The following MAGI3 variants were observed in gnomAD, a reference collection of about 807,000 sequenced individuals.
MAGI3 encodes membrane-associated guanylate kinase, WW and PDZ domain-containing protein 3.
In MAGI3, 43 loss-of-function variants were observed where a neutral mutation model predicts 121.8. The observed-to-expected ratio is 0.35, with a 90% CI of 0.28 to 0.46. The LOEUF (loss-of-function observed/expected upper bound fraction) is 0.46, where lower values mean the gene tolerates loss of function less well. MAGI3 is among the 20% of genes least tolerant of loss of function. The pLI, the probability that MAGI3 is intolerant of heterozygous loss-of-function variation, is 1.00. For missense variants in MAGI3, 1,547 were observed against 1,797.3 expected, an observed-to-expected ratio of 0.86 and a Z score of 2.52; for synonymous variants, 553 against 639.3, an observed-to-expected ratio of 0.86 and a Z score of 2.04.
intron 2 of MAGI3, among the ~76,000 whole-genome samples, chr1:113,566,108 A>G: frequency 6.6e-6 from 1 of 152,332 alleles, no homozygotes; most frequent in Non-Finnish European, 1.5e-5. Context: ...ACTTAGTAAC[A>G]TAAATCAACC....
chr1:113,432,544 T>A (rs1653355705), intron 1 of MAGI3, among the ~76,000 whole-genome samples: 1 of 152,156 alleles, frequency 6.6e-6, no homozygotes, highest in African/African-American at 2.4e-5. Context: ...TTGTTATTTT[T>A]TTTTTAAATA....
At chr1:113,487,952 C>A in intron 1 of MAGI3, among the ~76,000 whole-genome samples, 1 of 152,060 alleles carries the variant, frequency 6.6e-6, no homozygotes, top group Non-Finnish European at 1.5e-5. Flanking sequence ...ATAATTAATT[C>A]TTTGTAGGAA....
At chr1:113,600,157 G>C (rs892102744) in intron 6 of MAGI3, among the ~76,000 whole-genome samples, 12 of 152,072 alleles carry the variant, frequency 7.9e-5, no homozygotes, top group African/African-American at 2.7e-4. Flanking sequence ...TTTGAAAACT[G>C]GCACAAGACA....
At chr1:113,595,069 G>A (rs575789312) in intron 6 of MAGI3, among the ~76,000 whole-genome samples, 1 of 152,164 alleles carries the variant, frequency 6.6e-6, no homozygotes, top group East Asian at 1.9e-4. Flanking sequence ...ACTGCTTAAA[G>A]GAAAAATTAT....
At chr1:113,633,261 TTTTTTTTTTTTTTTTTTTG>T (rs1651772726) in intron 9 of MAGI3, among the ~76,000 whole-genome samples, 3 of 63,966 alleles carry the variant, frequency 4.7e-5, no homozygotes, top group East Asian at 5.9e-4. Flanking sequence ...TTTTTTTTTT[TTTTTTTTTTTTTTTTTTTG>T]AGACGGAGTC....
chr1:113,426,309 G>A lies in MAGI3; in HGVS notation c.316+34960G>A, dbSNP rs188947431. On this transcript the variant is annotated intron_variant, in intron 1 of 20. Transcript: ENST00000307546. ...AAACATTTGCTGAGGTTTGTTTTCAGGCCCAAGATATGGCCTTTCTTGATG... is the reference window on the plus strand; with the variant it reads ...AAACATTTGCTGAGGTTTGTTTTCAAGCCCAAGATATGGCCTTTCTTGATG... Among the ~76,000 whole-genome samples, 109 of 152,232 alleles carry A rather than the reference G, an allele frequency of 7.2e-4. 1 individual carries two copies. The highest frequency in any genetic ancestry group is 6.9e-3 in the Admixed American group (106 of 15,282).
intron 19 of MAGI3, among the ~76,000 whole-genome samples, chr1:113,679,583 A>T (rs1648090452): frequency 6.6e-6 from 1 of 152,182 alleles, no homozygotes; most frequent in Non-Finnish European, 1.5e-5. Flanking sequence ...TTCCAAAGTT[A>T]TACTTGACTT....
At chr1:113,542,729 A>G (rs941351360) in intron 1 of MAGI3, among the ~76,000 whole-genome samples, 4 of 152,212 alleles carry the variant, frequency 2.6e-5, no homozygotes, top group Non-Finnish European at 5.9e-5. Flanking sequence ...ATCAAAAGGG[A>G]CCATGTCTCT....
At chr1:113,402,837 G>A (rs1458875030) in intron 1 of MAGI3, among the ~76,000 whole-genome samples, 1 of 152,104 alleles carries the variant, frequency 6.6e-6, no homozygotes, top group African/African-American at 2.4e-5. Context: ...CCACAGCAGA[G>A]GACAAGGTAT....
At chr1:113,444,259 C>T (rs902096752) in intron 1 of MAGI3, among the ~76,000 whole-genome samples, 2 of 152,220 alleles carry the variant, frequency 1.3e-5, no homozygotes, top group Non-Finnish European at 2.9e-5. Flanking sequence ...GGGATCTGTG[C>T]TCTGATTGCT....
At chr1:113,590,418 G>A in intron 4 of MAGI3, 66 bp from the exon 5 acceptor site, 1 of 1,508,342 alleles carries the variant, frequency 6.6e-7, no homozygotes. Flanking sequence ...AGAAAGGAAA[G>A]GTGCTGTTTG....
intron 2 of MAGI3, among the ~76,000 whole-genome samples, chr1:113,570,070 T>G (rs1312918679): frequency 6.6e-6 from 1 of 152,196 alleles, no homozygotes; most frequent in Admixed American, 6.5e-5. Context: ...GACCCCAGTG[T>G]GTGATGTTGC....
At position 113,684,138 on chromosome 1, in the gene MAGI3, C is replaced by G. The variant is rs915986673; in HGVS notation, c.*124C>G. ...GATAAGTACATGTTAATGTGAGCCT[C>G]AAGTTACCTAGGCTGCATGAAGGGC... On this transcript the variant is annotated 3_prime_UTR_variant, in exon 21 of 21. Transcript: ENST00000307546. 9.0e-7 allele frequency: 1 copy of G among 1,107,224 alleles called. No individual in the cohort carries two copies. Among genetic ancestry groups the G allele is most frequent in the Non-Finnish European group, 1.2e-6 (1 of 810,664 alleles). 68.6% of individuals were successfully genotyped at this position (1,107,224 alleles called of 1,614,324 possible). A position where few individuals can be genotyped will look rare whatever the true frequency, so the allele number is the denominator to read the frequency against.
rs553083047 is a variant in MAGI3 at position 113,594,037 on chromosome 1, C to T, written c.939-444C>T. ...TTTATTTATCTTTATATTCCAGCTTCCCACACAGTACCTACGTATCACAGG... is the reference window on the plus strand; with the variant it reads ...TTTATTTATCTTTATATTCCAGCTTTCCACACAGTACCTACGTATCACAGG... On this transcript the variant is annotated intron_variant, in intron 5 of 20. Transcript: ENST00000307546. 2.7e-4 allele frequency among the ~76,000 whole-genome samples: 41 copies of T among 152,296 alleles called. 1 individual carries two copies. The highest frequency in any genetic ancestry group is 9.9e-4 in the African/African-American group (41 of 41,552).
At chr1:113,533,813 C>A (rs11102648) in intron 1 of MAGI3, among the ~76,000 whole-genome samples, 33,509 of 148,794 alleles carry the variant, frequency 0.23, 4,803 homozygotes, top group East Asian at 0.65. Context: ...AATCAGATTC[C>A]CCGTCCCCAT....
At chr1:113,410,832 T>G (rs1651937672) in intron 1 of MAGI3, among the ~76,000 whole-genome samples, 1 of 152,112 alleles carries the variant, frequency 6.6e-6, no homozygotes, top group Admixed American at 6.6e-5. Context: ...GGATGCCTAG[T>G]AGCTATAGGT....
At chr1:113,524,947 G>A (rs1384040338) in intron 1 of MAGI3, among the ~76,000 whole-genome samples, 1 of 152,102 alleles carries the variant, frequency 6.6e-6, no homozygotes, top group Non-Finnish European at 1.5e-5. Flanking sequence ...ATGGGGGTGG[G>A]TCTTTCCCAT....
intron 1 of MAGI3, among the ~76,000 whole-genome samples, chr1:113,460,636 C>T (rs890239377): frequency 3.3e-5 from 5 of 151,958 alleles, no homozygotes; most frequent in African/African-American, 1.2e-4. Context: ...GGTGAAACCC[C>T]ATCTCTACTA....
chr1:113,508,276 G>A (rs1186287234), intron 1 of MAGI3, among the ~76,000 whole-genome samples: 1 of 152,198 alleles, frequency 6.6e-6, no homozygotes, highest in African/African-American at 2.4e-5. Flanking sequence ...AGGGGAAAGA[G>A]AAGCAGAGGT....
Sources: allele counts gnomAD v4.1 joint callset (sites outside exome capture counted in the v4.1 genomes callset), GRCh38; gene constraint gnomAD v4.1.1; transcripts MANE v1.5; gene names NCBI Gene and HGNC (gene_info 2026-07-23, HGNC 2026-07-21).